The following FAM222B variants were observed in gnomAD, a reference collection of about 807,000 sequenced individuals.
FAM222B encodes protein FAM222B.
Under a neutral mutation model 38.0 loss-of-function variants are expected in FAM222B, and 12 were observed. That is an observed-to-expected ratio of 0.32 (90% CI 0.20 to 0.51). FAM222B has a LOEUF of 0.51. Among genes scored for constraint, FAM222B ranks in the 20% least tolerant of loss-of-function variants. The pLI is 0.97. For missense variants in FAM222B, 716 were observed against 754.2 expected (o/e 0.95, Z 0.59); for synonymous variants, 329 against 317.2 (o/e 1.04, Z -0.40).
At chr17:28,852,174 A>T (rs1186390164) in intron 1 of FAM222B, among the ~76,000 whole-genome samples, 1 of 151,946 alleles carries the variant, frequency 6.6e-6, no homozygotes, top group East Asian at 1.9e-4. Context: ...GAGACCATCC[A>T]GGCTAACACA....
chr17:28,801,730 G>A (rs2037239817), intron 1 of FAM222B, among the ~76,000 whole-genome samples: 1 of 152,020 alleles, frequency 6.6e-6, no homozygotes, highest in African/African-American at 2.4e-5. Context: ...AATTTAGGAT[G>A]AGCTGTCTTC....
chr17:28,801,864 A>G (rs1032015006), intron 1 of FAM222B, among the ~76,000 whole-genome samples: 7 of 152,106 alleles, frequency 4.6e-5, no homozygotes, highest in African/African-American at 1.7e-4. Context: ...AAGGAAGTAA[A>G]TCTTAAGTTA....
chr17:28,841,465 C>T (rs952812898), intron 1 of FAM222B, among the ~76,000 whole-genome samples: 11 of 152,250 alleles, frequency 7.2e-5, no homozygotes, highest in Non-Finnish European at 1.3e-4. Flanking sequence ...ACCTCTGCCT[C>T]CCGGGTTCGA....
At chr17:28,803,297 C>T (rs1457354216) in intron 1 of FAM222B, among the ~76,000 whole-genome samples, 3 of 151,926 alleles carry the variant, frequency 2.0e-5, no homozygotes, top group South Asian at 2.1e-4. Flanking sequence ...CATGAGCCAC[C>T]GTACCCAGGT....
intron 1 of FAM222B, among the ~76,000 whole-genome samples, chr17:28,782,311 G>C (rs1167048217): frequency 1.3e-5 from 2 of 152,096 alleles, no homozygotes; most frequent in African/African-American, 4.8e-5. Flanking sequence ...GACACAGTGA[G>C]ACCCTGTCTT....
At chr17:28,817,066 C>A (rs1366721854) in intron 1 of FAM222B, among the ~76,000 whole-genome samples, 2 of 151,736 alleles carry the variant, frequency 1.3e-5, no homozygotes, top group Non-Finnish European at 2.9e-5. Context: ...AAGATGTGGT[C>A]TTTGTCTTTA....
chr17:28,839,020 C>T (rs955302871), intron 1 of FAM222B, among the ~76,000 whole-genome samples: 2 of 151,968 alleles, frequency 1.3e-5, no homozygotes, highest in South Asian at 2.1e-4. Context: ...CTGGCTAACA[C>T]GGTGAAACCC....
chr17:28,756,039 C>A lies in FAM222B; in HGVS notation c.*2231G>T, dbSNP rs1246660242. ...TTAAAAACCCCATCACACCCATAAA[C>A]CACCACAGGTGAGGTGAGAGAGATG... On this transcript the variant is annotated 3_prime_UTR_variant, in exon 3 of 3. Coordinates refer to ENST00000581407, the MANE Select transcript of FAM222B (RefSeq NM_001077498.3). 6.6e-6 allele frequency: 1 copy of A among 152,572 alleles called. No individual in the cohort carries two copies. Among genetic ancestry groups the A allele is most frequent in the African/African-American group, 2.4e-5 (1 of 41,448 alleles). 9.5% of individuals were successfully genotyped at this position (152,572 alleles called of 1,614,324 possible).
intron 1 of FAM222B, among the ~76,000 whole-genome samples, chr17:28,848,248 C>T (rs867290498): frequency 2.0e-5 from 3 of 152,068 alleles, no homozygotes; most frequent in Non-Finnish European, 2.9e-5. Flanking sequence ...GTTTTATCTC[C>T]CTGGGTTATG....
Position 28,758,456 on chromosome 17 carries a change from G to A in FAM222B, c.1503C>T (p.Gly501=), listed in dbSNP as rs201468014. Reference sequence around the variant, plus strand: ...AGCTGTTCTGGCTTGCCACTGGACCGCCCCCGGTCCCTGCTCGGTAGTGGG... The same window carrying A: ...AGCTGTTCTGGCTTGCCACTGGACCACCCCCGGTCCCTGCTCGGTAGTGGG... The part of the protein sequence containing the change: ...PGAHYRAGTG[G]GPVASQNSLM... The change falls in exon 3 of 3, where the codon GGC becomes GGT. Residue 501 remains glycine (G), a synonymous_variant. Coordinates refer to ENST00000581407, the MANE Select transcript of FAM222B (RefSeq NM_001077498.3). The A allele has an allele frequency of 1.7e-5, 28 of 1,613,444 alleles. No individual in the cohort carries two copies. Among genetic ancestry groups the A allele is most frequent in the Non-Finnish European group, 2.1e-5 (25 of 1,179,760 alleles).
intron 1 of FAM222B, among the ~76,000 whole-genome samples, chr17:28,818,862 G>A (rs554929208): frequency 2.6e-5 from 4 of 152,214 alleles, no homozygotes; most frequent in Non-Finnish European, 5.9e-5. Context: ...AAATGAGACA[G>A]CAAACTTGTG....
chr17:28,851,987 G>C (rs1399090724), intron 1 of FAM222B, among the ~76,000 whole-genome samples: 1 of 151,934 alleles, frequency 6.6e-6, no homozygotes, highest in Non-Finnish European at 1.5e-5. Context: ...AGGAGGTGGA[G>C]GTTGCAGTGC....
At chr17:28,824,900 G>A (rs1190501488) in intron 1 of FAM222B, among the ~76,000 whole-genome samples, 1 of 152,024 alleles carries the variant, frequency 6.6e-6, no homozygotes, top group Non-Finnish European at 1.5e-5. Context: ...CGAGTAGCTG[G>A]GATTACAGGC....
At chr17:28,821,942 G>GCTGT (rs2038236254) in intron 1 of FAM222B, among the ~76,000 whole-genome samples, 2 of 152,104 alleles carry the variant, frequency 1.3e-5, no homozygotes, top group Non-Finnish European at 2.9e-5. Context: ...TCCAGCCTGG[G>GCTGT]CGACAGAGCA....
At chr17:28,841,290 T>C (rs1426979072) in intron 1 of FAM222B, among the ~76,000 whole-genome samples, 1 of 152,134 alleles carries the variant, frequency 6.6e-6, no homozygotes, top group Non-Finnish European at 1.5e-5. Flanking sequence ...CGAGACTCCG[T>C]CTCAAAAATA....
In FAM222B at chr17:28,789,430, C is replaced by T. The variant is rs141306750; in HGVS notation, c.-40-22723G>A. Among the ~76,000 whole-genome samples, 640 of 152,178 alleles carry T rather than the reference C, an allele frequency of 4.2e-3. 2 individuals are homozygous for T. Among genetic ancestry groups the T allele is most frequent in the Non-Finnish European group, 7.7e-3 (525 of 68,012 alleles). ...GCCAGGCTGGTCTTGAACTCCTGAACGATCCACCTGCCTCGGCCCCCCAAA... is the reference window on the plus strand; with the variant it reads ...GCCAGGCTGGTCTTGAACTCCTGAATGATCCACCTGCCTCGGCCCCCCAAA... On this transcript the variant is annotated intron_variant, in intron 1 of 2. Transcript: ENST00000581407.
rs576348716 is a variant in FAM222B, at chr17:28,770,561, C to T, written c.-40-3854G>A. Among the ~76,000 whole-genome samples, 86 of 149,950 alleles carry T rather than the reference C, an allele frequency of 5.7e-4. No individual in the cohort carries two copies. The South Asian group carries it at 0.017, about 30-fold the overall frequency. On this transcript the variant is annotated intron_variant, in intron 1 of 2. Coordinates refer to ENST00000581407, the MANE Select transcript of FAM222B (RefSeq NM_001077498.3). ...GGGATTACAGGTATGCACCACCATG[C>T]CCAGCTAATATTTTTTTTTTTTTTT...
At chr17:28,764,783 G>A (rs919556288) in intron 2 of FAM222B, among the ~76,000 whole-genome samples, 5 of 151,754 alleles carry the variant, frequency 3.3e-5, no homozygotes, top group African/African-American at 1.2e-4. Context: ...AATAATAAAA[G>A]TGAACACCAA....
chr17:28,839,137 G>A (rs2038950224), intron 1 of FAM222B, among the ~76,000 whole-genome samples: 6 of 152,070 alleles, frequency 3.9e-5, no homozygotes, highest in South Asian at 4.1e-4. Context: ...AACCCGGGAG[G>A]CGGAGCTTGC....
Sources: allele counts gnomAD v4.1 joint callset (sites outside exome capture counted in the v4.1 genomes callset), GRCh38; gene constraint gnomAD v4.1.1; transcripts MANE v1.5; gene names NCBI Gene and HGNC (gene_info 2026-07-23, HGNC 2026-07-21).